RNF216: variants seen among roughly 807,000 people sequenced by gnomAD.
RNF216 encodes the protein ring finger protein 216, also known as E3 ubiquitin-protein ligase RNF216.
In RNF216, 72 loss-of-function variants were observed where a neutral mutation model predicts 110.8. The observed-to-expected ratio is 0.65, with a 90% CI of 0.54 to 0.79. RNF216 has a LOEUF of 0.79. Ranked by LOEUF, RNF216 falls within the 30% of genes least tolerant of loss-of-function variation. The pLI is 0.00. For synonymous variants in RNF216, 495 were observed against 407.5 expected (o/e 1.21, Z -2.59); for missense variants, 1,342 against 1,141.2 (o/e 1.18, Z -2.54).
intron 1 of RNF216, among the ~76,000 whole-genome samples, chr7:5,775,561 A>G (rs904681706): frequency 6.6e-6 from 1 of 152,016 alleles, no homozygotes; most frequent in African/African-American, 2.4e-5. Flanking sequence ...AATCCCTTTG[A>G]CTTCCCAGCA....
At chr7:5,682,045 C>T (rs1790685375) in intron 13 of RNF216, among the ~76,000 whole-genome samples, 1 of 152,232 alleles carries the variant, frequency 6.6e-6, no homozygotes, top group Admixed American at 6.5e-5. Flanking sequence ...GCTGCTGCCT[C>T]TTCTCAGGGT....
chr7:5,717,111 T>C (rs1459799308), intron 9 of RNF216, among the ~76,000 whole-genome samples: 7 of 152,164 alleles, frequency 4.6e-5, no homozygotes, highest in Non-Finnish European at 8.8e-5. Context: ...CCCAGCACTT[T>C]GGAAGGCCGA....
intron 13 of RNF216, among the ~76,000 whole-genome samples, chr7:5,704,407 C>T (rs1002823678): frequency 2.0e-5 from 3 of 152,208 alleles, no homozygotes; most frequent in Admixed American, 1.3e-4. Context: ...CAAGGATTAG[C>T]GACTGCTTTA....
At chr7:5,657,944 C>T (rs1263608367) in intron 13 of RNF216, among the ~76,000 whole-genome samples, 1 of 152,136 alleles carries the variant, frequency 6.6e-6, no homozygotes, top group Non-Finnish European at 1.5e-5. Context: ...ACATAACAGC[C>T]GAAGAAGGCT....
chr7:5,649,923 A>T, intron 14 of RNF216: 1 of 152,278 alleles, frequency 6.6e-6, no homozygotes, highest in East Asian at 1.9e-4. Context: ...GAACACCAGC[A>T]GCCAGTGAGG....
At position 5,680,121 on chromosome 7, in the gene RNF216, G is replaced by C. The variant is rs568180418; in HGVS notation, c.2062-27611C>G. Among the ~76,000 whole-genome samples the C allele has an allele frequency of 3.2e-4, 48 of 152,298 alleles. No homozygotes were observed. Among genetic ancestry groups the C allele is most frequent in the Admixed American group, 5.2e-4 (8 of 15,296 alleles). ...GAAGAAGTCCACGTTCTTCACACAA[G>C]GGACATCTCCCCCACGAGCTGGCCC... On this transcript the variant is annotated intron_variant, in intron 13 of 16. Coordinates refer to ENST00000389902, the MANE Select transcript of RNF216 (RefSeq NM_207111.4). The surrounding 1 kb of genome is among the most constrained non-coding windows in gnomAD (Gnocchi z 4.3).
intron 13 of RNF216, among the ~76,000 whole-genome samples, chr7:5,663,897 C>CA (rs201687940): frequency 5.7e-4 from 87 of 151,476 alleles, no homozygotes; most frequent in Non-Finnish European, 9.4e-4. Flanking sequence ...GAGTCCGTCT[C>CA]AAAAAAACAA....
intron 1 of RNF216, among the ~76,000 whole-genome samples, chr7:5,770,149 C>A (rs975266258): frequency 1.3e-5 from 2 of 150,296 alleles, no homozygotes; most frequent in African/African-American, 2.5e-5. Context: ...AAGTTTAAGG[C>A]CAGCGAAACC....
intron 13 of RNF216, among the ~76,000 whole-genome samples, chr7:5,671,238 C>G (rs1789886331): frequency 6.6e-6 from 1 of 152,206 alleles, no homozygotes; most frequent in African/African-American, 2.4e-5. Flanking sequence ...CTGCTCATGC[C>G]TGAATAGACT....
chr7:5,626,757 C>T (rs776566844), intron 15 of RNF216, among the ~76,000 whole-genome samples: 1 of 152,112 alleles, frequency 6.6e-6, no homozygotes, highest in Non-Finnish European at 1.5e-5. Flanking sequence ...TAAGTGAGCT[C>T]GGCAGGTTCC....
intron 13 of RNF216, among the ~76,000 whole-genome samples, chr7:5,702,501 G>T (rs1243814405): frequency 6.6e-6 from 1 of 152,142 alleles, no homozygotes; most frequent in African/African-American, 2.4e-5. Context: ...CAGCAAGCAT[G>T]GTATTTGACT....
Position 5,729,600 on chromosome 7 carries a change from A to C in RNF216, c.1225-4T>G. ...CAAAAAAGTCTATTTTAGGCAACTGAAATGAGAGAGAAGCATAAAATCAGA... is the reference window on the plus strand; with the variant it reads ...CAAAAAAGTCTATTTTAGGCAACTGCAATGAGAGAGAAGCATAAAATCAGA... On this transcript the variant is annotated splice_polypyrimidine_tract_variant and splice_region_variant and intron_variant, in intron 6 of 16. Coordinates refer to ENST00000389902, the MANE Select transcript of RNF216 (RefSeq NM_207111.4). The C allele has an allele frequency of 1.2e-6, 2 of 1,612,936 alleles. No homozygotes were observed. Among genetic ancestry groups the C allele is most frequent in the Non-Finnish European group, 1.7e-6 (2 of 1,178,996 alleles).
intron 13 of RNF216, among the ~76,000 whole-genome samples, chr7:5,708,232 T>C (rs1244176256): frequency 6.6e-6 from 1 of 152,256 alleles, no homozygotes; most frequent in Non-Finnish European, 1.5e-5. Flanking sequence ...GGCTAGAATA[T>C]TTTGTATGTG....
chr7:5,702,411 G>A (rs537280978), intron 13 of RNF216, among the ~76,000 whole-genome samples: 89 of 152,238 alleles, frequency 5.8e-4, no homozygotes, highest in African/African-American at 1.8e-3. Context: ...TCATATTGGC[G>A]TTTTGTTATA....
intron 15 of RNF216, among the ~76,000 whole-genome samples, chr7:5,640,371 G>C (rs1340369896): frequency 1.3e-5 from 2 of 152,156 alleles, no homozygotes; most frequent in Non-Finnish European, 2.9e-5. Context: ...GTAGTAGCTA[G>C]TGTGACCTGG....
At position 5,687,394 on chromosome 7, in the gene RNF216, CAAAAAAA is replaced by C. The variant is rs372177142; in HGVS notation, c.2061+24360_2061+24366del. On this transcript the variant is annotated intron_variant, in intron 13 of 16. Transcript: ENST00000389902. Reference sequence around the variant, plus strand: ...GGGCAACAAGAGTGAAACTCCACCTCAAAAAAAAAAAAAAAAAAAAGAAAAAGAAAAG... The same window carrying C: ...GGGCAACAAGAGTGAAACTCCACCTCAAAAAAAAAAAAAGAAAAAGAAAAG... Among the ~76,000 whole-genome samples, 43 of 49,918 alleles carry C rather than the reference CAAAAAAA, an allele frequency of 8.6e-4. No individual in the cohort carries two copies. The Middle Eastern group carries it at 0.029, about 33-fold the overall frequency. The allele number at this position is 49,918 out of a possible 152,430, so 32.7% of individuals were successfully genotyped here.
chr7:5,726,350 AT>A (rs1793751756), intron 7 of RNF216, among the ~76,000 whole-genome samples: 2 of 152,294 alleles, frequency 1.3e-5, no homozygotes, highest in Admixed American at 1.3e-4. Flanking sequence ...GGTGAGTCCC[AT>A]TCTGTAGGCA....
Position 5,717,259 on chromosome 7 carries a change from A to C in RNF216, c.1645-493T>G, listed in dbSNP as rs780194898. Reference sequence around the variant, plus strand: ...TCCCAGCTACTTGGGAGGCTGAAGCAGGAAGATTACTTGAACCTGGGAGGC... The same window carrying C: ...TCCCAGCTACTTGGGAGGCTGAAGCCGGAAGATTACTTGAACCTGGGAGGC... On this transcript the variant is annotated intron_variant, in intron 9 of 16. Transcript: ENST00000389902. Among the ~76,000 whole-genome samples the C allele has an allele frequency of 1.7e-4, 26 of 152,206 alleles. 1 individual carries two copies. Among genetic ancestry groups the C allele is most frequent in the Non-Finnish European group, 2.9e-4 (20 of 68,042 alleles).
intron 13 of RNF216, among the ~76,000 whole-genome samples, chr7:5,701,288 T>C (rs778775273): frequency 2.0e-5 from 3 of 152,092 alleles, no homozygotes; most frequent in Non-Finnish European, 4.4e-5. Flanking sequence ...TAGAAATGAG[T>C]TGAGTGGTGA....
Sources: allele counts gnomAD v4.1 joint callset (sites outside exome capture counted in the v4.1 genomes callset), GRCh38; gene constraint gnomAD v4.1.1; non-coding constraint Gnocchi (gnomAD v3.1); transcripts MANE v1.5; gene names NCBI Gene and HGNC (gene_info 2026-07-23, HGNC 2026-07-21).